Variants in KLHL12 observed in about 807,000 individuals in gnomAD.
KLHL12 encodes kelch-like protein 12.
Under a neutral mutation model 60.8 loss-of-function variants are expected in KLHL12, and 17 were observed. The ratio of observed to expected loss-of-function variants is 0.28; its 90% confidence interval spans 0.19 to 0.42. KLHL12 has a LOEUF of 0.42. Among genes scored for constraint, KLHL12 ranks in the 10% least tolerant of loss-of-function variants. KLHL12 has a pLI of 1.00. For missense variants in KLHL12, 468 were observed against 722.3 expected, an observed-to-expected ratio of 0.65 and a Z score of 4.04; for synonymous variants, 220 against 250.9, an observed-to-expected ratio of 0.88 and a Z score of 1.16.
chr1:202,927,229 G>T lies in KLHL12; in HGVS notation c.-186C>A. 7.1e-6 allele frequency: 7 copies of T among 985,200 alleles called. No homozygotes were observed. Among genetic ancestry groups the T allele is most frequent in the Non-Finnish European group, 8.4e-6 (7 of 829,876 alleles). 61.0% of individuals were successfully genotyped at this position (985,200 alleles called of 1,614,324 possible). On this transcript the variant is annotated 5_prime_UTR_variant, in exon 1 of 12. Transcript: ENST00000367261. The stretch of plus-strand genomic sequence containing the variant: ...GGCTCTGGAGGCTCTGGAGCCGTCC[G>T]GGTCTGGCCCCTGCGGCCGCGCGAC...
intron 6 of KLHL12, among the ~76,000 whole-genome samples, chr1:202,897,318 C>T (rs1313629994): frequency 6.8e-6 from 1 of 147,780 alleles, no homozygotes; most frequent in Non-Finnish European, 1.5e-5. Flanking sequence ...TCACCACAAC[C>T]TCTGCCTCCT....
intron 6 of KLHL12, among the ~76,000 whole-genome samples, chr1:202,901,660 C>T (rs1037251360): frequency 6.6e-6 from 1 of 152,084 alleles, no homozygotes; most frequent in African/African-American, 2.4e-5. Context: ...TCCCAAACTT[C>T]TTTGCTGTGA....
chr1:202,920,938 G>A (rs555143477), intron 2 of KLHL12, among the ~76,000 whole-genome samples: 4 of 152,108 alleles, frequency 2.6e-5, no homozygotes, highest in Non-Finnish European at 4.4e-5. Flanking sequence ...TTTCATGTTC[G>A]TAGAGGAGCC....
Position 202,927,208 on chromosome 1 carries a change from C to A in KLHL12, c.-165G>T. On this transcript the variant is annotated 5_prime_UTR_variant, in exon 1 of 12. Transcript: ENST00000367261. ...GAAGCGCCGCCCAGACCCGGAGGCT[C>A]TGGAGGCTCTGGAGCCGTCCGGGTC... The A allele has an allele frequency of 1.0e-6, 1 of 985,242 alleles. No individual in the cohort carries two copies. The allele number at this position is 985,242 out of a possible 1,614,324, so 61.0% of individuals were successfully genotyped here.
At chr1:202,903,842 C>T (rs899044412) in intron 6 of KLHL12, among the ~76,000 whole-genome samples, 2 of 151,382 alleles carry the variant, frequency 1.3e-5, no homozygotes, top group African/African-American at 4.9e-5. Context: ...AGGCTGGTCT[C>T]GAATTCCTGG....
At position 202,893,108 on chromosome 1, in the gene KLHL12, A is replaced by AAAAAAATCTAATAT; in HGVS notation, c.1580+130_1580+131insATATTAGATTTTTT. The AAAAAAATCTAATAT allele has an allele frequency of 1.5e-6, 1 of 666,464 alleles. No homozygotes were observed. The highest frequency in any genetic ancestry group is 3.0e-5 in the East Asian group (1 of 33,802). The allele number at this position is 666,464 out of a possible 1,614,324, so 41.3% of individuals were successfully genotyped here. A position where few individuals can be genotyped will look rare whatever the true frequency, so the allele number is the denominator to read the frequency against. On this transcript the variant is annotated intron_variant, in intron 11 of 11. Transcript: ENST00000367261. This position sits in a 1 kb window ranked among gnomAD's most constrained non-coding sequence, Gnocchi z 4.1. ...TCTAAAAAATAAAAAAAATCTAATA[A>AAAAAAATCTAATAT]AAAAAATCAAGTTGCCACTGGAGAT...
chr1:202,896,807 G>T, intron 7 of KLHL12, 47 bp downstream of exon 7: 1 of 1,369,156 alleles, frequency 7.3e-7, no homozygotes, highest in Non-Finnish European at 1.0e-6. Flanking sequence ...GGCAGAGACT[G>T]AGGACATTTA....
rs71142574 is a variant in KLHL12, at chr1:202,905,968, CTTTTTTTT to C, written c.832+3034_832+3041del. 8.3e-4 allele frequency among the ~76,000 whole-genome samples: 43 copies of C among 51,672 alleles called. 1 individual carries two copies. The highest frequency in any genetic ancestry group is 3.0e-3 in the African/African-American group (40 of 13,544). 33.9% of individuals were successfully genotyped at this position (51,672 alleles called of 152,430 possible). A position where few individuals can be genotyped will look rare whatever the true frequency, so the allele number is the denominator to read the frequency against. The stretch of plus-strand genomic sequence containing the variant: ...TACAGGTGCCCGCCACCACACCTGG[CTTTTTTTT>C]TTTTTTTTTTTTTTTTGTATTTTTA... On this transcript the variant is annotated intron_variant, in intron 6 of 11. Coordinates refer to ENST00000367261, the MANE Select transcript of KLHL12 (RefSeq NM_021633.4).
chr1:202,912,796 C>G lies in KLHL12; in HGVS notation c.568-1593G>C, dbSNP rs1309469709. The G allele has an allele frequency of 4.1e-6, 4 of 965,788 alleles. No individual in the cohort carries two copies. In the African/African-American group the frequency reaches 6.4e-5, roughly 16 times the overall value. The allele number at this position is 965,788 out of a possible 1,614,324, so 59.8% of individuals were successfully genotyped here. ...GTGACAGGGAAGCTACAGGTTACAA[C>G]AGATTTGTGAACTCAGCCAAGCACA... On this transcript the variant is annotated intron_variant, in intron 4 of 11. Coordinates refer to ENST00000367261, the MANE Select transcript of KLHL12 (RefSeq NM_021633.4).
chr1:202,928,544 G>T, upstream of KLHL12: 1 of 1,304,004 alleles, frequency 7.7e-7, no homozygotes, highest in Non-Finnish European at 1.0e-6. Context: ...ATTTATTCAC[G>T]TCCATTGTCC....
intron 6 of KLHL12, 151 bp from the exon 7 acceptor site, chr1:202,897,111 T>C (rs775642018): frequency 1.3e-5 from 9 of 670,040 alleles, no homozygotes; most frequent in Non-Finnish European, 2.4e-5. Flanking sequence ...CATAAGGCTG[T>C]CGAATGGGGA....
chr1:202,895,867 C>T lies in KLHL12; in HGVS notation c.940-150G>A. The T allele has an allele frequency of 1.6e-6, 1 of 614,354 alleles. No individual in the cohort carries two copies. Among genetic ancestry groups the T allele is most frequent in the East Asian group, 2.8e-5 (1 of 35,500 alleles). 38.1% of individuals were successfully genotyped at this position (614,354 alleles called of 1,614,324 possible). A position where few individuals can be genotyped will look rare whatever the true frequency, so the allele number is the denominator to read the frequency against. Reference sequence around the variant, plus strand: ...CCTTAAGTGGTTCATCCTCAAGTGGCTCCCAAATAGCTACCTACTGAACGA... The same window carrying T: ...CCTTAAGTGGTTCATCCTCAAGTGGTTCCCAAATAGCTACCTACTGAACGA... On this transcript the variant is annotated intron_variant, in intron 7 of 11. Coordinates refer to ENST00000367261, the MANE Select transcript of KLHL12 (RefSeq NM_021633.4). This position sits in a 1 kb window ranked among gnomAD's most constrained non-coding sequence, Gnocchi z 4.2.
chr1:202,917,838 A>G (rs974581334), intron 4 of KLHL12, among the ~76,000 whole-genome samples: 23 of 152,246 alleles, frequency 1.5e-4, no homozygotes, highest in African/African-American at 5.5e-4. Context: ...TAAGTGCTAC[A>G]TAGTAGATAT....
Position 202,894,611 on chromosome 1 carries a change from C to T in KLHL12, c.1274G>A (p.Ser425Asn). 3 of 1,614,164 alleles carry T rather than the reference C, an allele frequency of 1.9e-6. No individual in the cohort carries two copies. The highest frequency in any genetic ancestry group is 2.5e-6 in the Non-Finnish European group (3 of 1,180,024). Reference sequence around the variant, plus strand: ...AATACCTAGACAGTAGATCACTCCACTGGCCACTACGAGTCCGGCACCTTC... The same window carrying T: ...AATACCTAGACAGTAGATCACTCCATTGGCCACTACGAGTCCGGCACCTTC... The part of the protein sequence containing the change: ...AREGAGLVVA[S>N]GVIYCLGGYD... The change falls in exon 9 of 12, where the codon AGT becomes AAT. Residue 425 changes from serine (S) to asparagine (N), a missense_variant. Transcript: ENST00000367261.
chr1:202,893,430 G>A lies in KLHL12; in HGVS notation c.1394-5C>T, dbSNP rs1659738289. On this transcript the variant is annotated splice_polypyrimidine_tract_variant and splice_region_variant and intron_variant, in intron 10 of 11. Coordinates refer to ENST00000367261, the MANE Select transcript of KLHL12 (RefSeq NM_021633.4). The surrounding 1 kb of genome is among the most constrained non-coding windows in gnomAD (Gnocchi z 4.1). ...TCAGCAGGGCTACTCCTGCACCTGG[G>A]GAAAATGAATGCATTAGCAAATGTA... The A allele has an allele frequency of 1.9e-6, 3 of 1,607,112 alleles. No homozygotes were observed. Among genetic ancestry groups the A allele is most frequent in the South Asian group, 1.1e-5 (1 of 90,326 alleles).
At chr1:202,912,820 C>A in intron 4 of KLHL12, 1 of 765,842 alleles carries the variant, frequency 1.3e-6, no homozygotes, top group Non-Finnish European at 2.2e-6. Context: ...CAGCCAAGCA[C>A]AGTGGTGGCA....
chr1:202,892,917 C>G (rs957539938), intron 11 of KLHL12, among the ~76,000 whole-genome samples: 1 of 152,062 alleles, frequency 6.6e-6, no homozygotes, highest in African/African-American at 2.4e-5. Flanking sequence ...TGACTCTCAC[C>G]TGTAATCCTA....
Position 202,893,728 on chromosome 1 carries a change from A to G in KLHL12, c.1394-303T>C, listed in dbSNP as rs1659745486. Among the ~76,000 whole-genome samples the G allele has an allele frequency of 6.6e-6, 1 of 152,254 alleles. No homozygotes were observed. The highest frequency in any genetic ancestry group is 2.1e-4 in the South Asian group (1 of 4,838). ...GGAAGTGAAAAAAAGGTGGCAATAA[A>G]GGTAGATGGAGGGAAAGGAGTTGTG... On this transcript the variant is annotated intron_variant, in intron 10 of 11. Transcript: ENST00000367261. The surrounding 1 kb of genome is among the most constrained non-coding windows in gnomAD (Gnocchi z 4.1).
intron 3 of KLHL12, among the ~76,000 whole-genome samples, chr1:202,918,987 G>C (rs1014731546): frequency 2.0e-5 from 3 of 152,160 alleles, no homozygotes; most frequent in Non-Finnish European, 4.4e-5. Flanking sequence ...ACGGTGGCTC[G>C]TGCCTATAAT....
Sources: gnomAD v4.1 joint callset for allele counts (sites outside exome capture counted in the v4.1 genomes callset) on GRCh38, gnomAD v4.1.1 for gene constraint, Gnocchi (gnomAD v3.1) non-coding constraint, MANE v1.5 for transcripts, NCBI Gene and HGNC (gene_info 2026-07-23, HGNC 2026-07-21) for gene names.